The following KCNH5 variants were observed in gnomAD, a reference collection of about 807,000 sequenced individuals.
KCNH5 encodes voltage-gated delayed rectifier potassium channel KCNH5.
Under a neutral mutation model 96.1 loss-of-function variants are expected in KCNH5, and 46 were observed. The ratio of observed to expected loss-of-function variants is 0.48; its 90% confidence interval spans 0.38 to 0.61. The LOEUF (loss-of-function observed/expected upper bound fraction) is 0.61. Ranked by LOEUF, KCNH5 falls within the 20% of genes least tolerant of loss-of-function variation. The pLI is 0.00. For missense variants in KCNH5, 907 were observed against 1,225.8 expected (o/e 0.74, Z 3.88); for synonymous variants, 439 against 449.8 (o/e 0.98, Z 0.30).
intron 4 of KCNH5, among the ~76,000 whole-genome samples, chr14:62,995,112 G>C (rs34066666): frequency 0.01 from 1,540 of 152,178 alleles, 15 homozygotes; most frequent in Admixed American, 0.018. Context: ...ATAAAATTCA[G>C]AGTGAGTCCA....
chr14:62,814,085 C>T (rs201410995), intron 8 of KCNH5, among the ~76,000 whole-genome samples: 10 of 152,096 alleles, frequency 6.6e-5, no homozygotes, highest in South Asian at 2.1e-4. Flanking sequence ...AAAAGGCTGC[C>T]GCAACCAGTG....
chr14:62,876,206 T>C (rs951352430), intron 7 of KCNH5, among the ~76,000 whole-genome samples: 1 of 152,150 alleles, frequency 6.6e-6, no homozygotes, highest in Non-Finnish European at 1.5e-5. Context: ...GATGGAAGTA[T>C]CTTCAGAGTC....
intron 1 of KCNH5, among the ~76,000 whole-genome samples, chr14:63,029,713 A>C (rs1891591404): frequency 6.6e-6 from 1 of 152,084 alleles, no homozygotes; most frequent in South Asian, 2.1e-4. Flanking sequence ...AATTAGATAG[A>C]AATTGCTGAA....
intron 10 of KCNH5, among the ~76,000 whole-genome samples, chr14:62,759,703 C>T (rs1885706627): frequency 6.6e-6 from 1 of 152,040 alleles, no homozygotes; most frequent in South Asian, 2.1e-4. Context: ...CTGTTACCAA[C>T]CTCCATAAAA....
intron 10 of KCNH5, among the ~76,000 whole-genome samples, chr14:62,735,256 C>G (rs1051908784): frequency 1.3e-5 from 2 of 152,038 alleles, no homozygotes; most frequent in Non-Finnish European, 2.9e-5. Context: ...AAGGGGGTGA[C>G]AAGAATGCTG....
intron 7 of KCNH5, among the ~76,000 whole-genome samples, chr14:62,941,412 A>G (rs1372595537): frequency 6.6e-6 from 1 of 152,212 alleles, no homozygotes; most frequent in Non-Finnish European, 1.5e-5. Context: ...TTTTCTAACT[A>G]CTGGACTACA....
At chr14:62,983,436 G>A (rs898462450) in intron 5 of KCNH5, among the ~76,000 whole-genome samples, 3 of 149,982 alleles carry the variant, frequency 2.0e-5, no homozygotes, top group Non-Finnish European at 4.4e-5. Flanking sequence ...GTGTGTGTGT[G>A]TATATTATAA....
intron 8 of KCNH5, among the ~76,000 whole-genome samples, chr14:62,818,457 T>G (rs972670925): frequency 7.2e-5 from 11 of 152,082 alleles, no homozygotes; most frequent in African/African-American, 2.7e-4. Flanking sequence ...TAAATTAAAA[T>G]CATAATAAAA....
intron 2 of KCNH5, among the ~76,000 whole-genome samples, chr14:63,006,783 T>C (rs983419397): frequency 6.6e-6 from 1 of 152,140 alleles, no homozygotes; most frequent in African/African-American, 2.4e-5. Context: ...AGTCTACAAA[T>C]CACTGGAAAA....
At chr14:62,966,080 T>A (rs1293945428) in intron 6 of KCNH5, among the ~76,000 whole-genome samples, 1 of 152,178 alleles carries the variant, frequency 6.6e-6, no homozygotes, top group Non-Finnish European at 1.5e-5. Context: ...CAACTCAGTG[T>A]AATCCTGTGT....
At chr14:62,821,740 GC>G (rs1164352000) in intron 8 of KCNH5, among the ~76,000 whole-genome samples, 2 of 152,026 alleles carry the variant, frequency 1.3e-5, no homozygotes, top group Non-Finnish European at 2.9e-5. Context: ...TCCATGAGTA[GC>G]AAAAAAGCTG....
chr14:62,973,893 AAG>A (rs1469456894), intron 6 of KCNH5, among the ~76,000 whole-genome samples: 1 of 152,192 alleles, frequency 6.6e-6, no homozygotes. Flanking sequence ...AAAAGGGAAA[AAG>A]AGGATTCTAA....
At chr14:62,753,024 C>T (rs116769649) in intron 10 of KCNH5, among the ~76,000 whole-genome samples, 1,752 of 152,258 alleles carry the variant, frequency 0.012, 30 homozygotes, top group African/African-American at 0.04. Context: ...GCACCAATCC[C>T]AGAGAGACAG....
chr14:62,963,348 T>A (rs890310274), intron 6 of KCNH5, among the ~76,000 whole-genome samples: 1 of 152,010 alleles, frequency 6.6e-6, no homozygotes, highest in Non-Finnish European at 1.5e-5. Context: ...TGCATACCCA[T>A]GGGTAAAAGG....
intron 7 of KCNH5, among the ~76,000 whole-genome samples, chr14:62,935,670 C>T (rs1262451596): frequency 1.3e-5 from 2 of 152,194 alleles, no homozygotes; most frequent in Non-Finnish European, 2.9e-5. Flanking sequence ...TCTCCACCCT[C>T]CTCTGAAATC....
At chr14:62,889,886 T>A (rs1012246810) in intron 7 of KCNH5, among the ~76,000 whole-genome samples, 1 of 152,062 alleles carries the variant, frequency 6.6e-6, no homozygotes, top group Non-Finnish European at 1.5e-5. Flanking sequence ...AGTAGAAAAA[T>A]TAGAAGACGA....
rs34357540 is a variant in KCNH5, at chr14:62,820,351, C to CTTT, written c.1570-17773_1570-17771dup. Among the ~76,000 whole-genome samples the CTTT allele has an allele frequency of 4.3e-3, 627 of 144,984 alleles. 2 individuals carry two copies. Among genetic ancestry groups the CTTT allele is most frequent in the Non-Finnish European group, 7.6e-3 (503 of 66,066 alleles). Reference sequence around the variant, plus strand: ...ATTAAGTAATTTATTTTGTTATATACTTTTTTTTTTTTTGAGATGGAGTCT... The same window carrying CTTT: ...ATTAAGTAATTTATTTTGTTATATACTTTTTTTTTTTTTTTTGAGATGGAGTCT... On this transcript the variant is annotated intron_variant, in intron 8 of 10. Coordinates refer to ENST00000322893, the MANE Select transcript of KCNH5 (RefSeq NM_139318.5).
At chr14:63,003,525 T>TTA (rs1215247887) in intron 3 of KCNH5, among the ~76,000 whole-genome samples, 1 of 115,636 alleles carries the variant, frequency 8.6e-6, no homozygotes, top group Non-Finnish European at 1.7e-5. Context: ...TTTATATATT[T>TTA]TATATATATT....
intron 9 of KCNH5, among the ~76,000 whole-genome samples, chr14:62,792,621 A>T (rs566649746): frequency 6.6e-6 from 1 of 151,800 alleles, no homozygotes; most frequent in Admixed American, 6.6e-5. Flanking sequence ...TTTTCTAAGA[A>T]AACATTTAGA....
Sources: allele counts gnomAD v4.1 joint callset (sites outside exome capture counted in the v4.1 genomes callset), GRCh38; gene constraint gnomAD v4.1.1; transcripts MANE v1.5; gene names NCBI Gene and HGNC (gene_info 2026-07-23, HGNC 2026-07-21).